The following CADPS variants were observed in gnomAD, a reference collection of about 807,000 sequenced individuals.
The protein encoded by CADPS is calcium dependent secretion activator, also known as calcium-dependent secretion activator 1.
CADPS carries 57 observed loss-of-function variants against 167.3 expected under a neutral mutation model. The observed-to-expected ratio is 0.34, with a 90% confidence interval of 0.28 to 0.42. The LOEUF is 0.42. CADPS is among the 20% of genes least tolerant of loss of function. The pLI is 1.00. For synonymous variants in CADPS, 676 were observed against 635.3 expected (o/e 1.06, Z -0.96); for missense variants, 1,414 against 1,738.1 (o/e 0.81, Z 3.32).
intron 28 of CADPS, among the ~76,000 whole-genome samples, chr3:62,429,383 A>C (rs4688294): frequency 0.29 from 44,519 of 152,104 alleles, 7,439 homozygotes; most frequent in East Asian, 0.43. Flanking sequence ...TTTTGAATAA[A>C]AAGAACCTAT....
intron 3 of CADPS, among the ~76,000 whole-genome samples, chr3:62,721,332 A>AG (rs1241681299): frequency 2.0e-5 from 3 of 151,894 alleles, no homozygotes; most frequent in African/African-American, 7.3e-5. Context: ...ACTGTTCACC[A>AG]GGGGGGCATT....
chr3:62,812,487 C>A (rs1470271332), intron 1 of CADPS, among the ~76,000 whole-genome samples: 1 of 152,048 alleles, frequency 6.6e-6, no homozygotes, highest in Non-Finnish European at 1.5e-5. Context: ...ATAAAAAAGC[C>A]ATCTTTTCTA....
At chr3:62,709,460 G>C (rs1444645943) in intron 3 of CADPS, among the ~76,000 whole-genome samples, 1 of 152,100 alleles carries the variant, frequency 6.6e-6, no homozygotes, top group Non-Finnish European at 1.5e-5. Flanking sequence ...CCTCCTGTGA[G>C]TTTTCTTTAG....
chr3:62,419,015 G>A (rs2149383630), intron 28 of CADPS, among the ~76,000 whole-genome samples: 1 of 152,240 alleles, frequency 6.6e-6, no homozygotes, highest in Non-Finnish European at 1.5e-5. Context: ...AGCAAAATCA[G>A]GAAAACTCGA....
chr3:62,642,933 A>AAAACG (rs1351434544), intron 6 of CADPS, among the ~76,000 whole-genome samples: 2 of 151,738 alleles, frequency 1.3e-5, no homozygotes, highest in East Asian at 3.9e-4. Flanking sequence ...AAAACAAAAC[A>AAAACG]AAACAAAACA....
At chr3:62,866,394 AGAACACTTACT>A (rs2081685970) in intron 1 of CADPS, among the ~76,000 whole-genome samples, 1 of 152,110 alleles carries the variant, frequency 6.6e-6, no homozygotes, top group South Asian at 2.1e-4. Context: ...TCTCAACAGT[AGAACACTTACT>A]GAACACCTAC....
At chr3:62,741,721 G>T (rs982275413) in intron 3 of CADPS, among the ~76,000 whole-genome samples, 6 of 152,124 alleles carry the variant, frequency 3.9e-5, no homozygotes, top group Non-Finnish European at 5.9e-5. Flanking sequence ...TACAAGACAA[G>T]GATGCCCTCT....
At chr3:62,857,469 G>C (rs1417041769) in intron 1 of CADPS, among the ~76,000 whole-genome samples, 1 of 151,966 alleles carries the variant, frequency 6.6e-6, no homozygotes. Flanking sequence ...AGTAAAAAAA[G>C]AAAGAGAAAT....
At chr3:62,760,712 T>A (rs1163815054) in intron 2 of CADPS, among the ~76,000 whole-genome samples, 1 of 152,190 alleles carries the variant, frequency 6.6e-6, no homozygotes, top group Admixed American at 6.5e-5. Flanking sequence ...GGAATAGTTG[T>A]AGCCATTCTA....
Position 62,874,802 on chromosome 3 carries a change from C to A in CADPS, c.228G>T (p.Gly76=). ...GSGASSGGGA[G]GLQPSSRAGG... is the part of the protein sequence containing the mutation. The stretch of plus-strand genomic sequence containing the variant: ...CAGCGCGGCTGCTGGGTTGCAGCCC[C>A]CCGGCCCCGCCGCCGCTGCTCGCGC... The change falls in exon 1 of 30, where the codon GGG becomes GGT. Residue 76 remains glycine (G), a synonymous_variant. Transcript: ENST00000383710. The surrounding 1 kb of genome is among the most constrained non-coding windows in gnomAD (Gnocchi z 7.1). The A allele has an allele frequency of 2.5e-6, 3 of 1,186,912 alleles. No homozygotes were observed. Among genetic ancestry groups the A allele is most frequent in the Non-Finnish European group, 3.2e-6 (3 of 929,940 alleles). The allele number at this position is 1,186,912 out of a possible 1,614,324, so 73.5% of individuals were successfully genotyped here.
intron 1 of CADPS, among the ~76,000 whole-genome samples, chr3:62,799,953 G>T (rs13082974): frequency 1.7e-4 from 26 of 152,122 alleles, no homozygotes; most frequent in African/African-American, 6.3e-4. Flanking sequence ...GGGAAGATTT[G>T]TTTCCTGACT....
Position 62,773,449 on chromosome 3 carries a change from A to G in CADPS, c.442-7465T>C, listed in dbSNP as rs563126649. Among the ~76,000 whole-genome samples the G allele has an allele frequency of 2.0e-5, 3 of 152,110 alleles. No homozygotes were observed. In the South Asian group the frequency reaches 6.2e-4, roughly 31 times the overall value. On this transcript the variant is annotated intron_variant, in intron 1 of 29. Transcript: ENST00000383710. ...TGAGTAATTCTGAAATGCAAGTTGA[A>G]GGGGGAAAAACATATTGAAGGTGGG...
At chr3:62,499,886 G>A (rs1372708545) in intron 17 of CADPS, 1 of 152,154 alleles carries the variant, frequency 6.6e-6, no homozygotes, top group Non-Finnish European at 1.5e-5. Context: ...GATAGTTTGT[G>A]CTACTGGTTG....
chr3:62,580,312 C>A (rs1460088739), intron 8 of CADPS, among the ~76,000 whole-genome samples: 1 of 152,136 alleles, frequency 6.6e-6, no homozygotes, highest in African/African-American at 2.4e-5. Context: ...TGGAAATCAT[C>A]ATTCTCAGTA....
chr3:62,491,283 T>C, intron 21 of CADPS, 56 bp downstream of exon 21: 1 of 1,567,618 alleles, frequency 6.4e-7, no homozygotes, highest in Admixed American at 1.7e-5. Flanking sequence ...CATTTCTGTA[T>C]TACTCTCCAG....
At chr3:62,720,377 G>C (rs1456254671) in intron 3 of CADPS, among the ~76,000 whole-genome samples, 1 of 150,898 alleles carries the variant, frequency 6.6e-6, no homozygotes, top group Non-Finnish European at 1.5e-5. Flanking sequence ...CTGTCACTCA[G>C]ACTGCAGTGC....
intron 1 of CADPS, among the ~76,000 whole-genome samples, chr3:62,776,782 T>G (rs186437572): frequency 6.6e-6 from 1 of 152,066 alleles, no homozygotes; most frequent in Non-Finnish European, 1.5e-5. Flanking sequence ...GGGCCCTGAA[T>G]AGTATCTAGA....
intron 1 of CADPS, among the ~76,000 whole-genome samples, chr3:62,827,275 T>C (rs1472022084): frequency 6.6e-6 from 1 of 152,130 alleles, no homozygotes; most frequent in East Asian, 1.9e-4. Flanking sequence ...CAAGTCAGGA[T>C]GGCCACTTTT....
chr3:62,787,600 G>A (rs1466557331), intron 1 of CADPS, among the ~76,000 whole-genome samples: 3 of 151,830 alleles, frequency 2.0e-5, no homozygotes, highest in African/African-American at 7.3e-5. Flanking sequence ...CAAAGAAGAG[G>A]GTATCCTCAA....
Sources: gnomAD v4.1 joint callset for allele counts (sites outside exome capture counted in the v4.1 genomes callset) on GRCh38, gnomAD v4.1.1 for gene constraint, Gnocchi (gnomAD v3.1) non-coding constraint, MANE v1.5 for transcripts, NCBI Gene and HGNC (gene_info 2026-07-23, HGNC 2026-07-21) for gene names.